Variants in SLC3A1 observed in about 807,000 individuals in gnomAD.
SLC3A1 encodes amino acid transporter heavy chain SLC3A1.
In SLC3A1, 78 loss-of-function variants were observed where a neutral mutation model predicts 60.3. The ratio of observed to expected loss-of-function variants is 1.29; its 90% CI spans 1.08 to 1.56. SLC3A1 has a LOEUF of 1.56. Ranked by LOEUF, SLC3A1 falls within the 40% of genes most tolerant of loss-of-function variation. The pLI, the probability that SLC3A1 is intolerant of heterozygous loss-of-function variation, is 0.00. For missense variants in SLC3A1, 1,172 were observed against 858.9 expected, an observed-to-expected ratio of 1.36 and a Z score of -4.56; for synonymous variants, 392 against 307.9, an observed-to-expected ratio of 1.27 and a Z score of -2.86.
downstream of SLC3A1, chr2:44,321,857 GC>G (rs1169545066): frequency 6.2e-7 from 1 of 1,613,664 alleles, no homozygotes. Flanking sequence ...TTACATGATT[GC>G]CTCCAGGCTG....
intron 7 of SLC3A1, among the ~76,000 whole-genome samples, chr2:44,307,523 T>C (rs1174196153): frequency 6.6e-6 from 1 of 151,958 alleles, no homozygotes. Flanking sequence ...GCCTTTCTGA[T>C]GATGGCCTTC....
rs754618691 is a variant in SLC3A1, at chr2:44,286,172, C to A, written c.891+15C>A. 2.6e-5 allele frequency: 42 copies of A among 1,611,888 alleles called. No homozygotes were observed. The highest frequency in any genetic ancestry group is 3.5e-5 in the Non-Finnish European group (41 of 1,178,428). On this transcript the variant is annotated intron_variant, in intron 4 of 9. Coordinates refer to ENST00000260649, the MANE Select transcript of SLC3A1 (RefSeq NM_000341.4). ...AAGAAATAAAAGTGAGTATAGATAC[C>A]CACACAGACTTCTCCATTAATGGAG...
chr2:44,284,155 C>A (rs1231586138), intron 3 of SLC3A1, among the ~76,000 whole-genome samples: 1 of 152,182 alleles, frequency 6.6e-6, no homozygotes, highest in Non-Finnish European at 1.5e-5. Flanking sequence ...TCTTGGCTCA[C>A]TGCAACCTCT....
intron 7 of SLC3A1, among the ~76,000 whole-genome samples, chr2:44,307,279 G>A (rs1473708198): frequency 1.3e-5 from 2 of 152,136 alleles, no homozygotes; most frequent in African/African-American, 4.8e-5. Context: ...GGACTATTAC[G>A]AATAGTGATG....
chr2:44,296,648 T>C (rs536102264), intron 4 of SLC3A1, among the ~76,000 whole-genome samples: 15 of 152,316 alleles, frequency 9.8e-5, no homozygotes, highest in Middle Eastern at 3.4e-3. Context: ...AACCCTTGCA[T>C]TTAGCTGTTG....
At chr2:44,285,838 A>G in intron 3 of SLC3A1, 194 bp from the exon 4 acceptor site, 1 of 720,664 alleles carries the variant, frequency 1.4e-6, no homozygotes, top group South Asian at 1.5e-5. Flanking sequence ...ATACGTTGCA[A>G]CCATGTTTGT....
chr2:44,308,094 C>A (rs1238741480), intron 7 of SLC3A1, among the ~76,000 whole-genome samples: 1 of 152,120 alleles, frequency 6.6e-6, no homozygotes, highest in Non-Finnish European at 1.5e-5. Context: ...TGATTACACT[C>A]CAGGGTGAAC....
At chr2:44,319,381 C>T (rs1348862992) in intron 9 of SLC3A1, 1 of 152,342 alleles carries the variant, frequency 6.6e-6, no homozygotes, top group Non-Finnish European at 1.5e-5. Context: ...TTAAGTAATA[C>T]AAAAATGGGG....
At chr2:44,312,973 T>A (rs541486406) in intron 8 of SLC3A1, among the ~76,000 whole-genome samples, 140 of 152,210 alleles carry the variant, frequency 9.2e-4, no homozygotes, top group Middle Eastern at 6.8e-3. Context: ...AAAAGTTTCT[T>A]GGGTAGGGCA....
chr2:44,316,117 C>T (rs924064900), intron 9 of SLC3A1, among the ~76,000 whole-genome samples: 5 of 152,032 alleles, frequency 3.3e-5, no homozygotes, highest in Non-Finnish European at 7.4e-5. Context: ...AGGCAGGCAA[C>T]CAAAGACAGG....
rs758375740 is a variant in SLC3A1, at chr2:44,313,984, A to G, written c.1617+33A>G. ...TCAGTGAAAATTTTATGTTGATTCTAGAAACAAAGAAATGGGTTTCTACTG... is the reference window on the plus strand; with the variant it reads ...TCAGTGAAAATTTTATGTTGATTCTGGAAACAAAGAAATGGGTTTCTACTG... On this transcript the variant is annotated intron_variant, in intron 9 of 9. Coordinates refer to ENST00000260649, the MANE Select transcript of SLC3A1 (RefSeq NM_000341.4). 13 of 1,613,512 alleles carry G rather than the reference A, an allele frequency of 8.1e-6. No individual in the cohort carries two copies. In the South Asian group the frequency reaches 1.4e-4, roughly 18 times the overall value.
rs1431838426 is a variant in SLC3A1, at chr2:44,281,548, A to G, written c.765+7A>G. 3.1e-6 allele frequency: 5 copies of G among 1,613,720 alleles called. No homozygotes were observed. Among genetic ancestry groups the G allele is most frequent in the Non-Finnish European group, 4.2e-6 (5 of 1,179,600 alleles). On this transcript the variant is annotated splice_region_variant and intron_variant, in intron 3 of 9. Coordinates refer to ENST00000260649, the MANE Select transcript of SLC3A1 (RefSeq NM_000341.4). ...CATTCCACCCAACAACTGGGTAAGTATCAACCTGTCTGACTTACAAAGGGG... is the reference window on the plus strand; with the variant it reads ...CATTCCACCCAACAACTGGGTAAGTGTCAACCTGTCTGACTTACAAAGGGG...
At chr2:44,310,904 C>G (rs747462060) in intron 7 of SLC3A1, among the ~76,000 whole-genome samples, 53 of 151,834 alleles carry the variant, frequency 3.5e-4, no homozygotes, top group Non-Finnish European at 6.6e-4. Context: ...GCTCAATTTT[C>G]CCATCTCAGC....
chr2:44,289,400 G>A (rs943776357), intron 4 of SLC3A1, among the ~76,000 whole-genome samples: 45 of 150,332 alleles, frequency 3.0e-4, no homozygotes, highest in African/African-American at 1.0e-3. Context: ...TAGTAGAGAC[G>A]GGGTTTCACC....
chr2:44,282,244 T>G (rs1671515782), intron 3 of SLC3A1, among the ~76,000 whole-genome samples: 1 of 152,154 alleles, frequency 6.6e-6, no homozygotes, highest in Admixed American at 6.6e-5. Context: ...AATTATCTAT[T>G]TTCTTTTTGC....
chr2:44,299,694 A>G (rs2104362036), intron 4 of SLC3A1, among the ~76,000 whole-genome samples: 1 of 152,298 alleles, frequency 6.6e-6, no homozygotes, highest in Non-Finnish European at 1.5e-5. Context: ...AGACTCTCTA[A>G]ACTTTGAAAA....
rs770278606 is a variant in SLC3A1, at chr2:44,281,384, T to C, written c.611-3T>C. On this transcript the variant is annotated splice_polypyrimidine_tract_variant and splice_region_variant and intron_variant, in intron 2 of 9. Transcript: ENST00000260649. ...AGCATTTGAAATGTCTTTTACTCAT[T>C]AGGTTTAAAATTAATCATCGATTTC... The C allele has an allele frequency of 1.9e-6, 3 of 1,610,444 alleles. No individual in the cohort carries two copies. Among genetic ancestry groups the C allele is most frequent in the Non-Finnish European group, 2.5e-6 (3 of 1,176,708 alleles).
intron 4 of SLC3A1, among the ~76,000 whole-genome samples, chr2:44,289,221 T>G (rs1186021879): frequency 6.6e-6 from 1 of 151,172 alleles, no homozygotes; most frequent in Non-Finnish European, 1.5e-5. Context: ...TTTTTTCTTT[T>G]TTTTTTTGAG....
chr2:44,314,238 GT>G (rs534560310), intron 9 of SLC3A1: 22 of 694,576 alleles, frequency 3.2e-5, no homozygotes, highest in Non-Finnish European at 4.9e-5. Flanking sequence ...ATTTTATGAA[GT>G]TTTTTAGCTA....
Sources: gnomAD v4.1 joint callset for allele counts (sites outside exome capture counted in the v4.1 genomes callset) on GRCh38, gnomAD v4.1.1 for gene constraint, MANE v1.5 for transcripts, NCBI Gene and HGNC (gene_info 2026-07-23, HGNC 2026-07-21) for gene names.